Variants in LRP5 observed in about 807,000 individuals in gnomAD.
LRP5 encodes the protein LDL receptor related protein 5.
LRP5 carries 62 observed loss-of-function variants against 154.1 expected under a neutral mutation model. The ratio of observed to expected loss-of-function variants is 0.40; its 90% CI spans 0.33 to 0.50. LRP5 has a LOEUF of 0.50. Ranked by LOEUF, LRP5 falls within the 20% of genes least tolerant of loss-of-function variation. LRP5 has a pLI of 0.55. For synonymous variants in LRP5, 966 were observed against 1,011.5 expected (o/e 0.96, Z 0.85); for missense variants, 1,915 against 2,336.7 (o/e 0.82, Z 3.72).
intron 1 of LRP5, among the ~76,000 whole-genome samples, chr11:68,320,843 A>G (rs373678259): frequency 2.0e-4 from 31 of 152,002 alleles, no homozygotes; most frequent in East Asian, 1.3e-3. Context: ...TTCAGGTTTC[A>G]CTGCTGGTCT....
At chr11:68,363,330 G>A (rs2153139144) in intron 3 of LRP5, among the ~76,000 whole-genome samples, 1 of 152,286 alleles carries the variant, frequency 6.6e-6, no homozygotes, top group South Asian at 2.1e-4. Context: ...CCAGCTCCTG[G>A]GGCTCTTGAC....
intron 1 of LRP5, among the ~76,000 whole-genome samples, chr11:68,339,331 G>A (rs376603342): frequency 8.6e-5 from 13 of 151,826 alleles, no homozygotes; most frequent in South Asian, 6.3e-4. Flanking sequence ...GGACCCACCC[G>A]CCACCACACC....
Position 68,439,936 on chromosome 11 carries a change from AGGGGCGGGGC to A in LRP5, c.4488+24_4488+33del. 1 of 464,498 alleles carries A rather than the reference AGGGGCGGGGC, an allele frequency of 2.2e-6. No individual in the cohort carries two copies. The highest frequency in any genetic ancestry group is 3.7e-6 in the Non-Finnish European group (1 of 270,582). 28.8% of individuals were successfully genotyped at this position (464,498 alleles called of 1,614,324 possible). ...CCGCCGGTGAGGGGCGGGGCCGGGG[AGGGGCGGGGC>A]GGGATGGGGCTGTGGGCCCCTCCCA... On this transcript the variant is annotated intron_variant, in intron 21 of 22. Coordinates refer to ENST00000294304, the MANE Select transcript of LRP5 (RefSeq NM_002335.4).
At chr11:68,435,764 T>A (rs762591745) in intron 18 of LRP5, among the ~76,000 whole-genome samples, 2 of 152,204 alleles carry the variant, frequency 1.3e-5, no homozygotes, top group Non-Finnish European at 2.9e-5. Context: ...CTCGCTCTGT[T>A]GCCCAGGCTG....
intron 1 of LRP5, among the ~76,000 whole-genome samples, chr11:68,331,300 C>T (rs59583157): frequency 0.026 from 3,885 of 152,334 alleles, 147 homozygotes; most frequent in African/African-American, 0.087. Context: ...ACATCTGGGC[C>T]GTTTGGAGTG....
At position 68,410,066 on chromosome 11, in the gene LRP5, CG is replaced by C. The variant is rs2153166468; in HGVS notation, c.2247del (p.Gln750SerfsTer48). On this transcript the variant is annotated frameshift_variant, in exon 10 of 23. Coordinates refer to ENST00000294304, the MANE Select transcript of LRP5 (RefSeq NM_002335.4). LOFTEE classifies it high-confidence loss of function. Reference protein sequence around the residue: ...TNRIEVARLDGQFRQVLVWRD... With the variant: ...TNRIEVARLDXQFRQVLVWRD... ...ACAGAATCGAAGTGGCGCGGCTGGACGGGCAGTTCCGGCAAGTCCTCGTGTG... is the reference window on the plus strand; with the variant it reads ...ACAGAATCGAAGTGGCGCGGCTGGACGGCAGTTCCGGCAAGTCCTCGTGTG... 1 of 1,613,994 alleles carries C rather than the reference CG, an allele frequency of 6.2e-7. No homozygotes were observed.
At chr11:68,312,015 C>T (rs1025531943), upstream of LRP5, among the ~76,000 whole-genome samples, 9 of 152,268 alleles carry the variant, frequency 5.9e-5, no homozygotes, top group African/African-American at 2.2e-4. Flanking sequence ...CCTGGCGGGA[C>T]TTTCTCCCTG....
At chr11:68,368,590 C>T (rs961344823) in intron 5 of LRP5, among the ~76,000 whole-genome samples, 2 of 152,188 alleles carry the variant, frequency 1.3e-5, no homozygotes, top group Non-Finnish European at 2.9e-5. Context: ...GTAACGGGCC[C>T]GGCTCGTGTG....
At chr11:68,334,390 G>A (rs1247854622) in intron 1 of LRP5, among the ~76,000 whole-genome samples, 1 of 152,184 alleles carries the variant, frequency 6.6e-6, no homozygotes, top group African/African-American at 2.4e-5. Flanking sequence ...AGCTGGTTAT[G>A]GAGCTAATAA....
At chr11:68,333,202 A>G (rs1298844144) in intron 1 of LRP5, among the ~76,000 whole-genome samples, 1 of 152,182 alleles carries the variant, frequency 6.6e-6, no homozygotes. Flanking sequence ...TGAAACGTGG[A>G]TGTGGGGAAG....
intron 2 of LRP5, 52 bp downstream of exon 2, chr11:68,348,295 T>A: frequency 6.3e-7 from 1 of 1,595,686 alleles, no homozygotes; most frequent in South Asian, 1.1e-5. Context: ...AGTGTCACCA[T>A]CTCTCTCTCG....
chr11:68,446,757 G>A (rs915705402), intron 22 of LRP5, among the ~76,000 whole-genome samples: 22 of 152,234 alleles, frequency 1.4e-4, no homozygotes, highest in Admixed American at 1.2e-3. Context: ...AGAACTCCAC[G>A]TTCTGAGCTG....
chr11:68,365,302 C>T (rs2098630346), intron 4 of LRP5, among the ~76,000 whole-genome samples: 1 of 151,994 alleles, frequency 6.6e-6, no homozygotes, highest in Non-Finnish European at 1.5e-5. Context: ...CAGGTCACAT[C>T]TGGGTGTGAG....
At chr11:68,437,455 C>G (rs900793025) in intron 19 of LRP5, among the ~76,000 whole-genome samples, 1 of 152,208 alleles carries the variant, frequency 6.6e-6, no homozygotes, top group Non-Finnish European at 1.5e-5. Context: ...TGTACAGTCA[C>G]GGATATAGGG....
At chr11:68,401,243 G>T (rs1468948812) in intron 7 of LRP5, among the ~76,000 whole-genome samples, 1 of 152,112 alleles carries the variant, frequency 6.6e-6, no homozygotes. Context: ...GTGTCTTCCT[G>T]TTGTGGAGGC....
intron 13 of LRP5, among the ~76,000 whole-genome samples, chr11:68,417,449 CTTTTTTTTTTTT>C (rs1161126346): frequency 2.2e-4 from 9 of 41,604 alleles, no homozygotes; most frequent in East Asian, 8.7e-4. Context: ...AACAGATTGG[CTTTTTTTTTTTT>C]TTTTTTTTTT....
rs768794187 is a variant in LRP5 at position 68,406,519 on chromosome 11, T to G, written c.1802-5T>G. 1.9e-6 allele frequency: 3 copies of G among 1,614,082 alleles called. No individual in the cohort carries two copies. In the South Asian group the frequency reaches 3.3e-5, roughly 18 times the overall value. ...TTAGACTGGAGCCTCTGTGTTCGCTTCCAGGAACCAACCCGTGTGCGGACA... is the reference window on the plus strand; with the variant it reads ...TTAGACTGGAGCCTCTGTGTTCGCTGCCAGGAACCAACCCGTGTGCGGACA... On this transcript the variant is annotated splice_polypyrimidine_tract_variant and splice_region_variant and intron_variant, in intron 8 of 22. Coordinates refer to ENST00000294304, the MANE Select transcript of LRP5 (RefSeq NM_002335.4).
At chr11:68,340,489 C>T (rs965403638) in intron 1 of LRP5, among the ~76,000 whole-genome samples, 2 of 152,110 alleles carry the variant, frequency 1.3e-5, no homozygotes, top group South Asian at 2.1e-4. Context: ...ACCTCTTGAG[C>T]GCTTTTCTAT....
intron 1 of LRP5, among the ~76,000 whole-genome samples, chr11:68,347,148 C>T (rs1172811122): frequency 1.3e-5 from 2 of 152,164 alleles, no homozygotes; most frequent in African/African-American, 2.4e-5. Flanking sequence ...GGGGGTCTGA[C>T]CTTGTTCTGC....
Sources: gnomAD v4.1 joint callset for allele counts (sites outside exome capture counted in the v4.1 genomes callset) on GRCh38, gnomAD v4.1.1 for gene constraint, MANE v1.5 for transcripts, NCBI Gene and HGNC (gene_info 2026-07-23, HGNC 2026-07-21) for gene names.